CHEK1: variants seen among roughly 807,000 people sequenced by gnomAD.
The protein encoded by CHEK1 is checkpoint kinase 1.
Under a neutral mutation model 60.2 loss-of-function variants are expected in CHEK1, and 32 were observed. That is an observed-to-expected ratio of 0.53 (90% CI 0.40 to 0.71). CHEK1 has a LOEUF of 0.71. CHEK1 is among the 30% of genes least tolerant of loss of function. CHEK1 has a pLI of 0.00. For missense variants in CHEK1, 399 were observed against 564.6 expected (o/e 0.71, Z 2.97); for synonymous variants, 179 against 187.2 (o/e 0.96, Z 0.36).
intron 8 of CHEK1, among the ~76,000 whole-genome samples, chr11:125,638,803 G>A (rs113915082): frequency 4.6e-5 from 7 of 151,902 alleles, no homozygotes; most frequent in Non-Finnish European, 1.0e-4. Flanking sequence ...TGTTATTTTC[G>A]TCATGATTCT....
At chr11:125,650,458 GTT>G (rs71279471) in intron 11 of CHEK1, among the ~76,000 whole-genome samples, 4 of 130,728 alleles carry the variant, frequency 3.1e-5, no homozygotes, top group Non-Finnish European at 1.6e-5. Context: ...AGTGGTGTTT[GTT>G]TTTTTTTTTT....
rs1940540699 is a variant in CHEK1 at position 125,625,392 on chromosome 11, C to T, written c.-641C>T. The T allele has an allele frequency of 3.7e-6, 1 of 267,672 alleles. No homozygotes were observed. The highest frequency in any genetic ancestry group is 2.1e-5 in the African/African-American group (1 of 46,520). 16.6% of individuals were successfully genotyped at this position (267,672 alleles called of 1,614,324 possible). On this transcript the variant is annotated 5_prime_UTR_variant, in exon 1 of 13. Coordinates refer to ENST00000438015, the MANE Select transcript of CHEK1 (RefSeq NM_001114122.3). ...CACACACTTGACTGCGTGGCCAGTTCTTTCGAAGCCTCTCGCTCCCAACAC... is the reference window on the plus strand; with the variant it reads ...CACACACTTGACTGCGTGGCCAGTTTTTTCGAAGCCTCTCGCTCCCAACAC...
At chr11:125,651,199 C>T (rs1941713256) in intron 11 of CHEK1, among the ~76,000 whole-genome samples, 1 of 151,888 alleles carries the variant, frequency 6.6e-6, no homozygotes, top group Admixed American at 6.6e-5. Flanking sequence ...AAAGCATTTT[C>T]CTGTAAGTGT....
downstream of CHEK1, chr11:125,677,777 C>G: frequency 8.7e-6 from 14 of 1,611,364 alleles, no homozygotes; most frequent in Non-Finnish European, 1.2e-5. Flanking sequence ...ATGACTGGCA[C>G]CCATCCAAAC....
intron 13 of CHEK1, among the ~76,000 whole-genome samples, chr11:125,668,166 C>G (rs1185350234): frequency 1.3e-5 from 2 of 152,108 alleles, no homozygotes; most frequent in African/African-American, 4.8e-5. Context: ...TTTATCAGTC[C>G]TAACAATGTC....
At chr11:125,630,430 G>A (rs1324581850) in intron 5 of CHEK1, among the ~76,000 whole-genome samples, 1 of 151,658 alleles carries the variant, frequency 6.6e-6, no homozygotes, top group East Asian at 1.9e-4. Flanking sequence ...TGTGCCTTAG[G>A]CCCCTGAGTA....
chr11:125,676,224 G>C, exon 14 of CHEK1: 1 of 1,206,494 alleles, frequency 8.3e-7, no homozygotes, highest in Non-Finnish European at 1.2e-6. Context: ...TCTGTTCTTA[G>C]TCCTTGAAAA....
At chr11:125,667,010 A>G (rs534052484) in intron 13 of CHEK1, among the ~76,000 whole-genome samples, 8 of 147,166 alleles carry the variant, frequency 5.4e-5, no homozygotes, top group Non-Finnish European at 9.0e-5. Flanking sequence ...AGAAAAATTT[A>G]CCTTTGTTAT....
chr11:125,639,197 T>C (rs1402002604), intron 8 of CHEK1, among the ~76,000 whole-genome samples: 1 of 151,964 alleles, frequency 6.6e-6, no homozygotes, highest in East Asian at 1.9e-4. Flanking sequence ...AGTAGTTTTC[T>C]ACGTACTGCA....
At chr11:125,644,399 AAG>A (rs3731449) in intron 10 of CHEK1, 111 bp from the exon 11 acceptor site, 59,062 of 1,470,194 alleles carry the variant, frequency 0.04, 1,431 homozygotes, top group Middle Eastern at 0.061. Context: ...TCAAGGAAGA[AAG>A]AGAGGAGGGA....
chr11:125,665,257 T>G (rs1435107758), intron 13 of CHEK1, among the ~76,000 whole-genome samples: 2 of 150,946 alleles, frequency 1.3e-5, no homozygotes, highest in Non-Finnish European at 3.0e-5. Flanking sequence ...CTGTCCTTGA[T>G]TCTATTGATG....
chr11:125,643,776 T>A lies in CHEK1; in HGVS notation c.815-16T>A. 1 of 1,598,826 alleles carries A rather than the reference T, an allele frequency of 6.3e-7. No individual in the cohort carries two copies. The highest frequency in any genetic ancestry group is 1.1e-5 in the South Asian group (1 of 89,076). ...ATAGAAGACTTGAAAGCATTTGTAT[T>A]TGTTTTCTTTTTTAGGGGCAAAAAG... On this transcript the variant is annotated splice_polypyrimidine_tract_variant and intron_variant, in intron 8 of 12. Transcript: ENST00000438015.
intron 6 of CHEK1, among the ~76,000 whole-genome samples, chr11:125,635,191 T>C (rs2135996493): frequency 6.6e-6 from 1 of 152,250 alleles, no homozygotes; most frequent in South Asian, 2.1e-4. Context: ...ACTCCTGGGC[T>C]CAAGCAGTCC....
chr11:125,650,384 G>C (rs1941671072), intron 11 of CHEK1, among the ~76,000 whole-genome samples: 1 of 151,134 alleles, frequency 6.6e-6, no homozygotes, highest in Non-Finnish European at 1.5e-5. Context: ...GGCAACTCTA[G>C]AAAGTCAGAT....
At chr11:125,662,683 C>G (rs1591427907) in intron 13 of CHEK1, among the ~76,000 whole-genome samples, 1 of 152,192 alleles carries the variant, frequency 6.6e-6, no homozygotes, top group East Asian at 1.9e-4. Context: ...ACTAAAGCTG[C>G]TATAAATATC....
At chr11:125,646,434 A>G (rs1372060671) in intron 11 of CHEK1, among the ~76,000 whole-genome samples, 6 of 152,160 alleles carry the variant, frequency 3.9e-5, no homozygotes, top group Non-Finnish European at 8.8e-5. Context: ...GCTGTGAACA[A>G]TCTTGTACCA....
At chr11:125,677,668 T>G, downstream of CHEK1, 14 of 1,285,400 alleles carry the variant, frequency 1.1e-5, no homozygotes, top group Non-Finnish European at 1.4e-5. Context: ...AGAGAGACTT[T>G]GAGAGAGCTG....
At chr11:125,672,837 TTC>T in intron 13 of CHEK1, 2 of 1,227,746 alleles carry the variant, frequency 1.6e-6, no homozygotes, top group South Asian at 1.8e-5. Flanking sequence ...CCATTATCCC[TTC>T]TCTTTCTCTT....
chr11:125,635,458 T>G lies in CHEK1; in HGVS notation c.643T>G (p.Cys215Gly). Residue 215 changes from cysteine (C) to glycine (G), a missense_variant, in exon 7 of 13, where the codon TGT becomes GGT. Cys to Gly is a radical substitution (Grantham distance 159). Around this residue, in one of 2 missense-constraint regions of CHEK1, gnomAD observed 370 missense variants for 494.8 expected, o/e 0.75. Transcript: ENST00000438015. Reference protein sequence around the residue: ...ELPWDQPSDSCQEYSDWKEKK... With the variant: ...ELPWDQPSDSGQEYSDWKEKK... ...GCCATGGGACCAACCCAGTGACAGC[T>G]GTCAGGAGTATTCTGACTGGAAAGA... is the stretch of plus-strand genomic sequence containing the variant. 6.2e-7 allele frequency: 1 copy of G among 1,603,356 alleles called. No individual in the cohort carries two copies.
Sources: allele counts gnomAD v4.1 joint callset (sites outside exome capture counted in the v4.1 genomes callset), GRCh38; gene constraint gnomAD v4.1.1; regional missense constraint gnomAD v4.1.1; transcripts MANE v1.5; gene names NCBI Gene and HGNC (gene_info 2026-07-23, HGNC 2026-07-21).